SLC19A1: variants seen among roughly 807,000 people sequenced by gnomAD.
SLC19A1 encodes reduced folate transporter.
SLC19A1 carries 37 observed loss-of-function variants against 35.3 expected under a neutral mutation model. The observed-to-expected ratio is 1.05, with a 90% confidence interval of 0.81 to 1.38. SLC19A1 has a LOEUF of 1.38. Among genes scored for constraint, SLC19A1 ranks in the 40% most tolerant of loss-of-function variants. The pLI is 0.00. For missense variants in SLC19A1, 831 were observed against 826.9 expected (o/e 1.00, Z -0.06); for synonymous variants, 460 against 398.5 (o/e 1.15, Z -1.84).
At chr21:45,507,159 CGGGTGTTGG>C in intron 3 of SLC19A1, 1 of 135,426 alleles carries the variant, frequency 7.4e-6, no homozygotes, top group African/African-American at 6.3e-5. Context: ...CTGGGAGGGC[CGGGTGTTGG>C]GGAGGGAGAG....
chr21:45,522,747 C>A (rs925619919), intron 5 of SLC19A1, among the ~76,000 whole-genome samples: 31 of 152,202 alleles, frequency 2.0e-4, no homozygotes, highest in African/African-American at 7.2e-4. Context: ...ATACACAATG[C>A]ATAGCCGTGT....
At chr21:45,518,962 G>A (rs999155894) in intron 5 of SLC19A1, among the ~76,000 whole-genome samples, 9 of 152,104 alleles carry the variant, frequency 5.9e-5, no homozygotes. Flanking sequence ...CAACATTATG[G>A]GTAAATAAAA....
chr21:45,537,867 G>T lies in SLC19A1; in HGVS notation c.93C>A (p.Tyr31Ter). The T allele has an allele frequency of 6.2e-7, 1 of 1,607,436 alleles. No individual in the cohort carries two copies. Among genetic ancestry groups the T allele is most frequent in the Non-Finnish European group, 8.5e-7 (1 of 1,178,554 alleles). ...GCGCCATGAAGCCGTAGAAGCAAAGGTAGCACACGAGGTGCCGCCAGGACC... is the reference window on the plus strand; with the variant it reads ...GCGCCATGAAGCCGTAGAAGCAAAGTTAGCACACGAGGTGCCGCCAGGACC... Reference protein sequence around the residue: ...ELRSWRHLVCYLCFYGFMAQI... With the variant: ...ELRSWRHLVC The change falls in exon 2 of 6, where the codon TAC (tyrosine) becomes TAA (stop). Residue 31 changes from tyrosine to a stop codon, truncating the protein, a stop_gained. Transcript: ENST00000311124. LOFTEE classifies it high-confidence loss of function.
upstream of SLC19A1, among the ~76,000 whole-genome samples, chr21:45,547,512 A>G (rs1053613689): frequency 6.6e-6 from 1 of 152,186 alleles, no homozygotes; most frequent in Admixed American, 6.5e-5. Context: ...GAAGCCTGCG[A>G]CCCAGAGACT....
chr21:45,510,450 G>T (rs1203939285), downstream of SLC19A1, among the ~76,000 whole-genome samples: 1 of 152,144 alleles, frequency 6.6e-6, no homozygotes, highest in African/African-American at 2.4e-5. Context: ...CCAGGCCTCT[G>T]CATCCCTGGG....
At chr21:45,505,044 G>A in intron 3 of SLC19A1, 9 of 1,514,590 alleles carry the variant, frequency 5.9e-6, no homozygotes, top group African/African-American at 2.7e-5. Context: ...GCTCGCCAAG[G>A]GGGTCTTGGC....
At chr21:45,529,881 G>T (rs374207167) in intron 4 of SLC19A1, among the ~76,000 whole-genome samples, 1 of 151,348 alleles carries the variant, frequency 6.6e-6, no homozygotes, top group African/African-American at 2.4e-5. Flanking sequence ...ATTCATGTGA[G>T]TGTGGTGGGT....
In SLC19A1 at chr21:45,514,824, C is replaced by T. The variant is rs969002869; in HGVS notation, c.*834G>A. On this transcript the variant is annotated 3_prime_UTR_variant, in exon 6 of 6. Transcript: ENST00000311124. ...TCCTTAGACCCTGAGGCCGCTGGGACGTACTTCCCCAGCGCCCACCACAAA... is the reference window on the plus strand; with the variant it reads ...TCCTTAGACCCTGAGGCCGCTGGGATGTACTTCCCCAGCGCCCACCACAAA... 25 of 568,522 alleles carry T rather than the reference C, an allele frequency of 4.4e-5. No individual in the cohort carries two copies. Among genetic ancestry groups the T allele is most frequent in the Admixed American group, 1.5e-4 (4 of 25,898 alleles). 35.2% of individuals were successfully genotyped at this position (568,522 alleles called of 1,614,324 possible).
At position 45,512,571 on chromosome 21, in the gene SLC19A1, T is replaced by C. The variant is rs2037675072; in HGVS notation, c.*3087A>G. On this transcript the variant is annotated 3_prime_UTR_variant, in exon 6 of 6. Coordinates refer to ENST00000311124, the MANE Select transcript of SLC19A1 (RefSeq NM_194255.4). ...ATAAAAGGAAGCCAAAGAGTGTATT[T>C]TTTTAAAAGTTTAAAACAGAAGCCT... 1 of 666,920 alleles carries C rather than the reference T, an allele frequency of 1.5e-6. No homozygotes were observed. Among genetic ancestry groups the C allele is most frequent in the East Asian group, 2.7e-5 (1 of 36,746 alleles). The allele number at this position is 666,920 out of a possible 1,614,324, so 41.3% of individuals were successfully genotyped here.
intron 1 of SLC19A1, among the ~76,000 whole-genome samples, chr21:45,561,486 C>T (rs1810869): frequency 0.39 from 59,386 of 151,934 alleles, 11,693 homozygotes; most frequent in East Asian, 0.45. Flanking sequence ...TGAGGCCGGG[C>T]GCGGTGGCTC....
At chr21:45,507,581 CCCA>C, downstream of SLC19A1, 1 of 1,613,086 alleles carries the variant, frequency 6.2e-7, no homozygotes, top group Non-Finnish European at 8.5e-7. Flanking sequence ...GGACACCACT[CCCA>C]CGAGGGACGG....
Position 45,525,892 on chromosome 21 carries a change from A to G in SLC19A1, c.1218T>C (p.Phe406=), listed in dbSNP as rs150116000. 489 of 1,613,690 alleles carry G rather than the reference A, an allele frequency of 3.0e-4. No individual in the cohort carries two copies. Among genetic ancestry groups the G allele is most frequent in the Middle Eastern group, 1.3e-3 (8 of 6,060 alleles). ...CALVFGVNTF[F]ATIVKTIITF... is the part of the protein sequence containing the mutation. ...TGATGATGGTCTTGACGATGGTGGC[A>G]AAGAACGTGTTGACCCCGAAGACCA... Residue 406 remains phenylalanine (F), a synonymous_variant, in exon 5 of 6, where the codon TTT becomes TTC. Transcript: ENST00000311124.
In SLC19A1 at chr21:45,531,376, A is replaced by G; in HGVS notation, c.949+13T>C. The G allele has an allele frequency of 6.4e-7, 1 of 1,551,964 alleles. No homozygotes were observed. Among genetic ancestry groups the G allele is most frequent in the Middle Eastern group, 1.7e-4 (1 of 5,764 alleles). ...TCTGCGGGAAGAAGCCTCGGGGACC[A>G]GGGCATGCGTACCCAGCAGCGTGGA... is the stretch of plus-strand genomic sequence containing the variant. On this transcript the variant is annotated intron_variant, in intron 3 of 5. Transcript: ENST00000311124.
At chr21:45,536,712 G>A (rs571309787) in intron 2 of SLC19A1, among the ~76,000 whole-genome samples, 3 of 152,182 alleles carry the variant, frequency 2.0e-5, no homozygotes, top group South Asian at 2.1e-4. Context: ...TCCGGCTTCC[G>A]GCCAGGAGAC....
intron 3 of SLC19A1, chr21:45,504,556 A>T: frequency 6.4e-7 from 1 of 1,568,206 alleles, no homozygotes. Flanking sequence ...CTGGGATTCC[A>T]GTAAGTCCCA....
chr21:45,525,760 A>T (rs1175011371), intron 5 of SLC19A1, 57 bp downstream of exon 5: 3 of 1,591,950 alleles, frequency 1.9e-6, no homozygotes, highest in Non-Finnish European at 2.6e-6. Context: ...GGAGGCCTCA[A>T]CAATGTCCCC....
Position 45,534,158 on chromosome 21 carries a change from G to A in SLC19A1, c.190-2010C>T, listed in dbSNP as rs143366059. Among the ~76,000 whole-genome samples, 776 of 152,344 alleles carry A rather than the reference G, an allele frequency of 5.1e-3. 10 individuals are homozygous for A. Among genetic ancestry groups the A allele is most frequent in the African/African-American group, 0.018 (741 of 41,576 alleles). ...CTGAGTGAGCCCGCCGGGTCACAGA[G>A]AGCCTCAGGGCCAGCCATCGGCTTC... is the stretch of plus-strand genomic sequence containing the variant. On this transcript the variant is annotated intron_variant, in intron 2 of 5. Coordinates refer to ENST00000311124, the MANE Select transcript of SLC19A1 (RefSeq NM_194255.4). The surrounding 1 kb of genome is among the most constrained non-coding windows in gnomAD (Gnocchi z 4.2).
intron 1 of SLC19A1, among the ~76,000 whole-genome samples, chr21:45,561,224 C>G (rs949740511): frequency 6.6e-6 from 1 of 152,160 alleles, no homozygotes; most frequent in Non-Finnish European, 1.5e-5. Flanking sequence ...AAAACAGGAA[C>G]GAGCAATGAC....
chr21:45,510,068 A>G, downstream of SLC19A1: 1 of 1,566,972 alleles, frequency 6.4e-7, no homozygotes, highest in East Asian at 2.4e-5. Flanking sequence ...CCGCAGCTCC[A>G]CCTGGTTGCG....
Sources: gnomAD v4.1 joint callset for allele counts (sites outside exome capture counted in the v4.1 genomes callset) on GRCh38, gnomAD v4.1.1 for gene constraint, Gnocchi (gnomAD v3.1) non-coding constraint, MANE v1.5 for transcripts, NCBI Gene and HGNC (gene_info 2026-07-23, HGNC 2026-07-21) for gene names.